Variants in CSMD3 observed in about 807,000 individuals in gnomAD.
CSMD3 encodes CUB and sushi domain-containing protein 3.
In CSMD3, 177 loss-of-function variants were observed where a neutral mutation model predicts 435.2. The observed-to-expected ratio is 0.41, with a 90% confidence interval of 0.36 to 0.46. The LOEUF is 0.46. Ranked by LOEUF, CSMD3 falls within the 20% of genes least tolerant of loss-of-function variation. The probability of loss-of-function intolerance (pLI) is 0.34; values close to 1 mark genes in which losing one functional copy is unlikely to be tolerated. For synonymous variants in CSMD3, 1,656 were observed against 1,520.5 expected, an observed-to-expected ratio of 1.09 and a Z score of -2.07; for missense variants, 4,265 against 4,504.6, an observed-to-expected ratio of 0.95 and a Z score of 1.52.
At position 112,945,588 on chromosome 8, in the gene CSMD3, ATGTGTGTGTGTGTG is replaced by A. The variant is rs10574750; in HGVS notation, c.1508+2188_1508+2201del. 1.2e-3 allele frequency among the ~76,000 whole-genome samples: 173 copies of A among 140,686 alleles called. 2 individuals are homozygous for A. The highest frequency in any genetic ancestry group is 4.3e-3 in the African/African-American group (161 of 37,802). 92.3% of individuals were successfully genotyped at this position (140,686 alleles called of 152,430 possible). On this transcript the variant is annotated intron_variant, in intron 9 of 70. Transcript: ENST00000297405. ...AAATATAATAAGAGAATACAGAAAT[ATGTGTGTGTGTGTG>A]TGTGTGTGTGTGTGTGTGTGTGTAT...
At chr8:112,292,277 A>C (rs570338603) in intron 55 of CSMD3, among the ~76,000 whole-genome samples, 2 of 152,222 alleles carry the variant, frequency 1.3e-5, no homozygotes, top group East Asian at 3.9e-4. Flanking sequence ...TTAGAAATTA[A>C]CTCTACCACT....
At chr8:112,261,623 G>A (rs55691798) in intron 61 of CSMD3, among the ~76,000 whole-genome samples, 1 of 151,744 alleles carries the variant, frequency 6.6e-6, no homozygotes, top group African/African-American at 2.4e-5. Flanking sequence ...CAATATTCTT[G>A]AACATGTCTC....
At chr8:112,429,512 A>G (rs2130377022) in intron 32 of CSMD3, among the ~76,000 whole-genome samples, 1 of 152,180 alleles carries the variant, frequency 6.6e-6, no homozygotes, top group Non-Finnish European at 1.5e-5. Flanking sequence ...AAACATAGAC[A>G]TATGAAATGA....
At chr8:112,668,931 A>AAAAACAAAAC (rs540916754) in intron 16 of CSMD3, among the ~76,000 whole-genome samples, 9 of 152,036 alleles carry the variant, frequency 5.9e-5, no homozygotes, top group Non-Finnish European at 4.4e-5. Flanking sequence ...CTAAATGTAG[A>AAAAACAAAAC]AAAACAAAAC....
intron 32 of CSMD3, among the ~76,000 whole-genome samples, chr8:112,421,576 A>G (rs1212580800): frequency 6.8e-6 from 1 of 147,010 alleles, no homozygotes; most frequent in South Asian, 2.1e-4. Context: ...TATATGTAAT[A>G]TATTTATAAT....
At chr8:113,136,435 T>C (rs1186825417) in intron 4 of CSMD3, among the ~76,000 whole-genome samples, 5 of 151,454 alleles carry the variant, frequency 3.3e-5, no homozygotes, top group Non-Finnish European at 4.4e-5. Context: ...TTTTTTATGG[T>C]TAGGATATAT....
At chr8:112,754,306 A>C (rs2077641138) in intron 13 of CSMD3, among the ~76,000 whole-genome samples, 2 of 152,182 alleles carry the variant, frequency 1.3e-5, no homozygotes, top group Non-Finnish European at 2.9e-5. Flanking sequence ...GATAAGAGTC[A>C]CTTAAGGTCT....
intron 32 of CSMD3, among the ~76,000 whole-genome samples, chr8:112,463,236 CCTGTAATCCCAGCTACTCAGCAGG>C (rs1475311850): frequency 1.3e-5 from 2 of 152,134 alleles, no homozygotes; most frequent in African/African-American, 4.8e-5. Context: ...GTGGCACATA[CCTGTAATCCCAGCTACTCAGCAGG>C]CTGAGACAAG....
chr8:113,272,879 G>T (rs1019657598), intron 3 of CSMD3, among the ~76,000 whole-genome samples: 1 of 152,086 alleles, frequency 6.6e-6, no homozygotes, highest in African/African-American at 2.4e-5. Flanking sequence ...GGAATAAACA[G>T]GGGTTGGTTC....
intron 28 of CSMD3, among the ~76,000 whole-genome samples, chr8:112,512,086 T>A (rs947833458): frequency 6.6e-6 from 1 of 152,144 alleles, no homozygotes; most frequent in African/African-American, 2.4e-5. Context: ...AAACACCCCC[T>A]CATCACAGTC....
chr8:112,381,804 C>T (rs1275750504), intron 37 of CSMD3, among the ~76,000 whole-genome samples: 1 of 152,166 alleles, frequency 6.6e-6, no homozygotes, highest in Non-Finnish European at 1.5e-5. Flanking sequence ...CTCATTCTAA[C>T]ATTAGTTGTA....
In CSMD3 at chr8:112,644,860, A is replaced by C. The variant is rs73338518; in HGVS notation, c.3310+249T>G. 3.5e-3 allele frequency among the ~76,000 whole-genome samples: 537 copies of C among 152,250 alleles called. 1 individual carries two copies. Among genetic ancestry groups the C allele is most frequent in the African/African-American group, 0.012 (503 of 41,580 alleles). Reference sequence around the variant, plus strand: ...TGTTACAAAAATTTCAAATGACATTAGTTTATTATATCAAAAGTAAACAAA... The same window carrying C: ...TGTTACAAAAATTTCAAATGACATTCGTTTATTATATCAAAAGTAAACAAA... On this transcript the variant is annotated intron_variant, in intron 20 of 70. Transcript: ENST00000297405.
At chr8:113,409,912 C>A (rs550951302) in intron 1 of CSMD3, among the ~76,000 whole-genome samples, 7 of 151,814 alleles carry the variant, frequency 4.6e-5, no homozygotes, top group South Asian at 2.1e-4. Context: ...ACTCTCTAGA[C>A]CTGGGTGGAG....
chr8:112,534,217 A>C (rs1302144829), intron 27 of CSMD3, among the ~76,000 whole-genome samples: 1 of 152,172 alleles, frequency 6.6e-6, no homozygotes. Context: ...AGTCTTCAAA[A>C]AATTAATGAA....
intron 3 of CSMD3, among the ~76,000 whole-genome samples, chr8:113,192,092 T>A (rs1253177428): frequency 2.6e-5 from 4 of 151,746 alleles, no homozygotes; most frequent in Non-Finnish European, 4.4e-5. Flanking sequence ...ATTGGATTGT[T>A]TTTTTGCTTG....
intron 24 of CSMD3, among the ~76,000 whole-genome samples, chr8:112,559,772 G>T (rs779975126): frequency 4.7e-4 from 71 of 151,780 alleles, no homozygotes; most frequent in Non-Finnish European, 9.3e-4. Context: ...AGTTTCTTCT[G>T]TTTTTAATAT....
At chr8:113,121,801 A>C (rs1417274548) in intron 4 of CSMD3, among the ~76,000 whole-genome samples, 6 of 152,166 alleles carry the variant, frequency 3.9e-5, no homozygotes, top group Non-Finnish European at 7.4e-5. Flanking sequence ...TCTAAATTTT[A>C]AGATCTCAAA....
chr8:113,035,112 T>C (rs930777535), intron 5 of CSMD3, among the ~76,000 whole-genome samples: 1 of 151,858 alleles, frequency 6.6e-6, no homozygotes, highest in African/African-American at 2.4e-5. Flanking sequence ...AAAGGAATGA[T>C]AATGACAAGA....
chr8:112,352,584 C>T (rs1826230444), intron 38 of CSMD3, 50 bp from the exon 39 acceptor site: 4 of 1,487,890 alleles, frequency 2.7e-6, no homozygotes, highest in Non-Finnish European at 3.7e-6. Context: ...GTGATAAATG[C>T]TTAAGTTATG....
Sources: gnomAD v4.1 joint callset for allele counts (sites outside exome capture counted in the v4.1 genomes callset) on GRCh38, gnomAD v4.1.1 for gene constraint, MANE v1.5 for transcripts, NCBI Gene and HGNC (gene_info 2026-07-23, HGNC 2026-07-21) for gene names.